The following EPB41L3 variants were observed in gnomAD, a reference collection of about 807,000 sequenced individuals.
EPB41L3 encodes the protein band 4.1-like protein 3.
Under a neutral mutation model 127.1 loss-of-function variants are expected in EPB41L3, and 57 were observed. That is an observed-to-expected ratio of 0.45 (90% CI 0.36 to 0.56). The LOEUF is 0.56. Among genes scored for constraint, EPB41L3 ranks in the 20% least tolerant of loss-of-function variants. EPB41L3 has a pLI of 0.00. For synonymous variants in EPB41L3, 572 were observed against 549.5 expected (o/e 1.04, Z -0.57); for missense variants, 1,273 against 1,372.2 (o/e 0.93, Z 1.14).
At chr18:5,490,347 A>G (rs1258588458) in intron 1 of EPB41L3, among the ~76,000 whole-genome samples, 1 of 152,218 alleles carries the variant, frequency 6.6e-6, no homozygotes, top group African/African-American at 2.4e-5. Flanking sequence ...AAATTATATA[A>G]TTGGTATAAT....
Position 5,397,348 on chromosome 18 carries a change from C to T in EPB41L3, c.2551G>A (p.Val851Met). Residue 851 changes from valine to methionine, a missense_variant, in exon 18 of 23, where the codon GTG (valine) becomes ATG (methionine). Val to Met is a conservative substitution (Grantham distance 21, BLOSUM62 1). This residue lies in a region of EPB41L3 where 765 missense variants were observed against 782.9 expected (regional missense o/e 0.98). Transcript: ENST00000341928. The surrounding 1 kb of genome is among the most constrained non-coding windows in gnomAD (Gnocchi z 4.1). ...TCCACCAACACGGTCTCCTGCACCACCTTCTCAGTGCTAAGCGGCAGGTGG... is the reference window on the plus strand; with the variant it reads ...TCCACCAACACGGTCTCCTGCACCATCTTCTCAGTGCTAAGCGGCAGGTGG... ...VHHLPLSTEK[V>M]VQETVLVEER... 1 of 1,614,086 alleles carries T rather than the reference C, an allele frequency of 6.2e-7. No individual in the cohort carries two copies. Among genetic ancestry groups the T allele is most frequent in the Non-Finnish European group, 8.5e-7 (1 of 1,180,034 alleles).
intron 14 of EPB41L3, among the ~76,000 whole-genome samples, chr18:5,408,441 T>C (rs949036593): frequency 6.6e-6 from 1 of 151,658 alleles, no homozygotes; most frequent in African/African-American, 2.4e-5. Context: ...GCCTAGCTAA[T>C]TTTTTGTATT....
intron 3 of EPB41L3, among the ~76,000 whole-genome samples, chr18:5,466,535 T>C (rs1568302045): frequency 6.6e-6 from 1 of 152,174 alleles, no homozygotes; most frequent in East Asian, 1.9e-4. Context: ...TTGTTGGAAA[T>C]CATGCACGCA....
intron 1 of EPB41L3, among the ~76,000 whole-genome samples, chr18:5,526,500 A>C (rs2040193): frequency 0.24 from 37,065 of 152,104 alleles, 5,249 homozygotes; most frequent in African/African-American, 0.4. Context: ...CTGTAACTGA[A>C]TATAAATTTA....
rs2072575944 is a variant in EPB41L3, at chr18:5,392,422, A to G, written c.*1063T>C. On this transcript the variant is annotated 3_prime_UTR_variant, in exon 23 of 23. Coordinates refer to ENST00000341928, the MANE Select transcript of EPB41L3 (RefSeq NM_012307.5). ...TTGCCATTTTTATTTCGCTATGCAG[A>G]AACATACATTCACCATGGGCTGTGA... 1 of 152,656 alleles carries G rather than the reference A, an allele frequency of 6.6e-6. No homozygotes were observed. The highest frequency in any genetic ancestry group is 2.4e-5 in the African/African-American group (1 of 41,462). 9.5% of individuals were successfully genotyped at this position (152,656 alleles called of 1,614,324 possible).
chr18:5,397,261 C>A lies in EPB41L3; in HGVS notation c.2638G>T (p.Ala880Ser), dbSNP rs775509273. The change falls in exon 18 of 23, where the codon GCT (alanine) becomes TCT (serine). Residue 880 changes from alanine to serine, a missense_variant. Coordinates refer to ENST00000341928, the MANE Select transcript of EPB41L3 (RefSeq NM_012307.5). This position sits in a 1 kb window ranked among gnomAD's most constrained non-coding sequence, Gnocchi z 4.1. Reference sequence around the variant, plus strand: ...CCTGTGAATGCGGGCTGTGCTGCAGCATCCCCGCTGTCTCCCGCCGAGTAA... The same window carrying A: ...CCTGTGAATGCGGGCTGTGCTGCAGAATCCCCGCTGTCTCCCGCCGAGTAA... Reference protein sequence around the residue: ...ASYSAGDSGDAAAQPAFTGIK... With the variant: ...ASYSAGDSGDSAAQPAFTGIK... 9.3e-6 allele frequency: 15 copies of A among 1,614,124 alleles called. No homozygotes were observed. In the East Asian group the frequency reaches 2.9e-4, roughly 31 times the overall value.
At chr18:5,438,978 T>C (rs117675099) in intron 5 of EPB41L3, among the ~76,000 whole-genome samples, 1 of 152,266 alleles carries the variant, frequency 6.6e-6, no homozygotes, top group Non-Finnish European at 1.5e-5. Context: ...ACATGGAAAA[T>C]ACCCTTTTCT....
chr18:5,398,748 C>T lies in EPB41L3; in HGVS notation c.2350-605G>A, dbSNP rs529825367. Reference sequence around the variant, plus strand: ...TCTCCATTCGGACAGGCTCTTCCTTCGGGGACCAAAGAGGCCCACTTTTAA... The same window carrying T: ...TCTCCATTCGGACAGGCTCTTCCTTTGGGGACCAAAGAGGCCCACTTTTAA... On this transcript the variant is annotated intron_variant, in intron 16 of 22. Coordinates refer to ENST00000341928, the MANE Select transcript of EPB41L3 (RefSeq NM_012307.5). 170 of 399,302 alleles carry T rather than the reference C, an allele frequency of 4.3e-4. 1 individual carries two copies. In the East Asian group the frequency reaches 5.3e-3, roughly 12 times the overall value. The allele number at this position is 399,302 out of a possible 1,614,324, so 24.7% of individuals were successfully genotyped here. A position where few individuals can be genotyped will look rare whatever the true frequency, so the allele number is the denominator to read the frequency against.
In EPB41L3 at chr18:5,397,151, C is replaced by G; in HGVS notation, c.2748G>C (p.Gln916His). The part of the protein sequence containing the change: ...GEEVAKAVLE[Q>H]EETAAASRER... ...CACGGGAAGCAGCGGCTGTCTCTTC[C>G]TGTTCCAGGACAGCTTTAGCGACCT... Residue 916 changes from glutamine to histidine, a missense_variant, in exon 18 of 23, where the codon CAG becomes CAC. Physicochemically the swap from Gln to His is conservative, Grantham distance 24 (BLOSUM62 0). Around this residue, in one of 3 missense-constraint regions of EPB41L3, gnomAD observed 765 missense variants for 782.9 expected, o/e 0.98. Transcript: ENST00000341928. The surrounding 1 kb of genome is among the most constrained non-coding windows in gnomAD (Gnocchi z 4.1). The G allele has an allele frequency of 6.2e-7, 1 of 1,614,230 alleles. No individual in the cohort carries two copies. Among genetic ancestry groups the G allele is most frequent in the Non-Finnish European group, 8.5e-7 (1 of 1,180,038 alleles).
intron 1 of EPB41L3, among the ~76,000 whole-genome samples, chr18:5,529,598 C>T (rs1437142187): frequency 6.6e-6 from 1 of 152,216 alleles, no homozygotes; most frequent in Non-Finnish European, 1.5e-5. Flanking sequence ...GCAAAGGGAG[C>T]ATTGCAGCTC....
intron 3 of EPB41L3, among the ~76,000 whole-genome samples, chr18:5,571,998 G>GA (rs1381304888): frequency 6.6e-6 from 1 of 152,180 alleles, no homozygotes; most frequent in East Asian, 1.9e-4. Context: ...AGCCCTTTCA[G>GA]AACTGCTTGT....
At position 5,398,046 on chromosome 18, in the gene EPB41L3, G is replaced by A. The variant is rs142893326; in HGVS notation, c.2447C>T (p.Thr816Ile). 8.1e-6 allele frequency: 13 copies of A among 1,613,982 alleles called. No individual in the cohort carries two copies. In the African/African-American group the frequency reaches 1.6e-4, roughly 20 times the overall value. Residue 816 changes from threonine to isoleucine, a missense_variant, in exon 17 of 23, where the codon ACT (threonine) becomes ATT (isoleucine). Thr to Ile is a moderately conservative substitution (Grantham distance 89). Around this residue, in one of 3 missense-constraint regions of EPB41L3, gnomAD observed 765 missense variants for 782.9 expected, o/e 0.98. Transcript: ENST00000341928. ...RKPTEFIGGV[T>I]STSQSWVQKM... The stretch of plus-strand genomic sequence containing the variant: ...CTGAACCCAGCTTTGAGAAGTAGAA[G>A]TAACCCCTCCTATGAATTCTGTTGG...
intron 3 of EPB41L3, among the ~76,000 whole-genome samples, chr18:5,450,716 G>A (rs966592421): frequency 6.6e-6 from 1 of 151,532 alleles, no homozygotes; most frequent in Non-Finnish European, 1.5e-5. Context: ...TCATTGAATC[G>A]ACATTTTAGA....
At chr18:5,628,657 G>A (rs1169651284) in intron 1 of EPB41L3, among the ~76,000 whole-genome samples, 1 of 152,250 alleles carries the variant, frequency 6.6e-6, no homozygotes, top group Non-Finnish European at 1.5e-5. Flanking sequence ...AGCGAGCCCA[G>A]GCGGCGGCTT....
At chr18:5,564,507 G>T (rs187021139) in intron 3 of EPB41L3, among the ~76,000 whole-genome samples, 2 of 152,134 alleles carry the variant, frequency 1.3e-5, no homozygotes, top group Non-Finnish European at 2.9e-5. Context: ...CACAGAGATG[G>T]AAAGGTTGGG....
intron 1 of EPB41L3, among the ~76,000 whole-genome samples, chr18:5,623,672 C>T (rs77220347): frequency 0.018 from 2,737 of 147,966 alleles, 66 homozygotes; most frequent in African/African-American, 0.065. Flanking sequence ...TTTTTTAAGA[C>T]GGTCTTACTC....
At chr18:5,581,525 A>C (rs564051127) in intron 3 of EPB41L3, among the ~76,000 whole-genome samples, 13 of 152,328 alleles carry the variant, frequency 8.5e-5, no homozygotes, top group African/African-American at 2.9e-4. Flanking sequence ...AATGCAAAAC[A>C]AACAAACTCA....
At position 5,392,832 on chromosome 18, in the gene EPB41L3, C is replaced by A. The variant is rs72865098; in HGVS notation, c.*653G>T. On this transcript the variant is annotated 3_prime_UTR_variant, in exon 23 of 23. Transcript: ENST00000341928. The stretch of plus-strand genomic sequence containing the variant: ...AGAAATCGCATTAATATGCTAAAAT[C>A]AGTACTACCTTATAACAAATTAAAT... 3,246 of 152,548 alleles carry A rather than the reference C, an allele frequency of 0.021. 70 individuals carry two copies. Among genetic ancestry groups the A allele is most frequent in the Admixed American group, 0.07 (1,064 of 15,282 alleles). 9.4% of individuals were successfully genotyped at this position (152,548 alleles called of 1,614,324 possible). A position where few individuals can be genotyped will look rare whatever the true frequency, so the allele number is the denominator to read the frequency against.
intron 12 of EPB41L3, among the ~76,000 whole-genome samples, chr18:5,418,314 A>G (rs1300278925): frequency 6.6e-6 from 1 of 152,240 alleles, no homozygotes; most frequent in Non-Finnish European, 1.5e-5. Flanking sequence ...TTATATAAAC[A>G]AACTGGTGGT....
Sources: allele counts gnomAD v4.1 joint callset (sites outside exome capture counted in the v4.1 genomes callset), GRCh38; gene constraint gnomAD v4.1.1; regional missense constraint gnomAD v4.1.1; non-coding constraint Gnocchi (gnomAD v3.1); transcripts MANE v1.5; gene names NCBI Gene and HGNC (gene_info 2026-07-23, HGNC 2026-07-21).